The following ATXN1 variants were observed in gnomAD, a reference collection of about 807,000 sequenced individuals.
ATXN1 encodes the protein ataxin 1.
Under a neutral mutation model 56.4 loss-of-function variants are expected in ATXN1, and 8 were observed. The ratio of observed to expected loss-of-function variants is 0.14; its 90% CI spans 0.08 to 0.26. The LOEUF is 0.26. Among genes scored for constraint, ATXN1 ranks in the 10% least tolerant of loss-of-function variants. ATXN1 has a pLI of 1.00. For synonymous variants in ATXN1, 514 were observed against 494.6 expected (o/e 1.04, Z -0.52); for missense variants, 987 against 1,106.5 (o/e 0.89, Z 1.53).
intron 4 of ATXN1, among the ~76,000 whole-genome samples, chr6:16,529,869 C>T (rs986589388): frequency 1.3e-5 from 2 of 152,142 alleles, no homozygotes; most frequent in Admixed American, 6.5e-5. Context: ...TGACCCAGCT[C>T]TGATAGCCTG....
chr6:16,604,504 A>T (rs896649286), intron 3 of ATXN1, among the ~76,000 whole-genome samples: 10 of 152,050 alleles, frequency 6.6e-5, no homozygotes, highest in African/African-American at 2.4e-4. Flanking sequence ...GTATCTAAAA[A>T]AAAGAAAACA....
intron 2 of ATXN1, among the ~76,000 whole-genome samples, chr6:16,741,478 C>CT (rs1029262541): frequency 5.8e-4 from 88 of 152,246 alleles, no homozygotes; most frequent in South Asian, 1.0e-3. Flanking sequence ...TTTAAGAACA[C>CT]TTTTTTTAAA....
chr6:16,428,463 T>C (rs904705479), intron 6 of ATXN1, among the ~76,000 whole-genome samples: 9 of 146,990 alleles, frequency 6.1e-5, no homozygotes, highest in Non-Finnish European at 9.0e-5. Flanking sequence ...GCAAAAGTAA[T>C]TGTGGTTTTT....
chr6:16,337,261 G>A (rs1174983239), intron 6 of ATXN1, among the ~76,000 whole-genome samples: 1 of 152,234 alleles, frequency 6.6e-6, no homozygotes, highest in Non-Finnish European at 1.5e-5. Flanking sequence ...GACAGTTCTG[G>A]GGGTGCAGTT....
chr6:16,496,792 C>G (rs1254353058), intron 5 of ATXN1, among the ~76,000 whole-genome samples: 1 of 152,000 alleles, frequency 6.6e-6, no homozygotes, highest in Non-Finnish European at 1.5e-5. Flanking sequence ...ATTTAAAACT[C>G]TTTAGAATTA....
intron 4 of ATXN1, among the ~76,000 whole-genome samples, chr6:16,550,342 C>CA (rs1307742086): frequency 2.0e-5 from 3 of 152,118 alleles, no homozygotes; most frequent in African/African-American, 7.2e-5. Context: ...ATGCTCCTGT[C>CA]AACTTTCCAT....
chr6:16,717,526 C>A (rs528085350), intron 2 of ATXN1, among the ~76,000 whole-genome samples: 1 of 152,356 alleles, frequency 6.6e-6, no homozygotes, highest in East Asian at 1.9e-4. Context: ...CAGAGAGCAG[C>A]AATTTCTCAA....
chr6:16,537,723 GAA>G (rs1239282771), intron 4 of ATXN1, among the ~76,000 whole-genome samples: 3 of 143,548 alleles, frequency 2.1e-5, no homozygotes, highest in African/African-American at 7.7e-5. Flanking sequence ...AAGAAAAAAA[GAA>G]AAAAAGAAAA....
chr6:16,422,749 C>G (rs1364827034), intron 6 of ATXN1, among the ~76,000 whole-genome samples: 1 of 152,094 alleles, frequency 6.6e-6, no homozygotes, highest in Non-Finnish European at 1.5e-5. Context: ...GTAGGGAAAA[C>G]GCTACAAAAA....
At chr6:16,344,755 C>A (rs1044918578) in intron 6 of ATXN1, among the ~76,000 whole-genome samples, 3 of 152,152 alleles carry the variant, frequency 2.0e-5, no homozygotes, top group African/African-American at 7.2e-5. Flanking sequence ...TAGGACTTGA[C>A]CTTTTGATCA....
intron 6 of ATXN1, among the ~76,000 whole-genome samples, chr6:16,359,551 C>A (rs999513880): frequency 3.9e-5 from 6 of 152,126 alleles, no homozygotes; most frequent in African/African-American, 1.2e-4. Context: ...AAGAGGAGTG[C>A]TTCAGAGACC....
rs143243981 is a variant in ATXN1 at position 16,362,365 on chromosome 6, C to T, written c.-160-33895G>A. ...CTTCAGAGAAAGGAGCCACGTTACC[C>T]ATTTCAGAGCAGGGAGATTCCAGAG... On this transcript the variant is annotated intron_variant, in intron 6 of 7. Transcript: ENST00000436367. Among the ~76,000 whole-genome samples the T allele has an allele frequency of 4.0e-3, 602 of 152,302 alleles. 3 individuals carry two copies. The highest frequency in any genetic ancestry group is 0.014 in the African/African-American group (573 of 41,558).
chr6:16,446,467 C>T (rs1340580477), intron 6 of ATXN1, among the ~76,000 whole-genome samples: 2 of 152,228 alleles, frequency 1.3e-5, no homozygotes, highest in Non-Finnish European at 2.9e-5. Flanking sequence ...CTGACATCAG[C>T]TTACTCGGGG....
chr6:16,439,999 C>A (rs994647213), intron 6 of ATXN1, among the ~76,000 whole-genome samples: 2 of 150,656 alleles, frequency 1.3e-5, no homozygotes, highest in African/African-American at 4.9e-5. Flanking sequence ...CACTTGAACC[C>A]GGGAGGCGGA....
At chr6:16,343,032 A>G (rs1425981888) in intron 6 of ATXN1, among the ~76,000 whole-genome samples, 2 of 152,222 alleles carry the variant, frequency 1.3e-5, no homozygotes, top group African/African-American at 2.4e-5. Context: ...TTTTGTCACC[A>G]GTCAAAAATT....
chr6:16,634,418 T>TA (rs752634463), intron 3 of ATXN1, among the ~76,000 whole-genome samples: 4 of 152,288 alleles, frequency 2.6e-5, no homozygotes, highest in East Asian at 1.9e-4. Flanking sequence ...CATTTATTTT[T>TA]AAAAAAACAG....
intron 2 of ATXN1, among the ~76,000 whole-genome samples, chr6:16,708,699 A>T (rs1310396233): frequency 1.3e-5 from 2 of 152,162 alleles, no homozygotes; most frequent in Non-Finnish European, 2.9e-5. Flanking sequence ...AGGAACAGAA[A>T]AAAAAAGAAG....
At chr6:16,531,936 C>T (rs979857288) in intron 4 of ATXN1, among the ~76,000 whole-genome samples, 7 of 152,128 alleles carry the variant, frequency 4.6e-5, no homozygotes, top group African/African-American at 1.7e-4. Flanking sequence ...TTCTTAAACA[C>T]CTAGAACAGC....
chr6:16,712,019 T>C (rs1759534575), intron 2 of ATXN1, among the ~76,000 whole-genome samples: 1 of 152,134 alleles, frequency 6.6e-6, no homozygotes, highest in Non-Finnish European at 1.5e-5. Context: ...CAAAATTCAA[T>C]TACAGTGACA....
Sources: allele counts gnomAD v4.1 joint callset (sites outside exome capture counted in the v4.1 genomes callset), GRCh38; gene constraint gnomAD v4.1.1; transcripts MANE v1.5; gene names NCBI Gene and HGNC (gene_info 2026-07-23, HGNC 2026-07-21).